Variants in ITIH1 observed in about 807,000 individuals in gnomAD.
The protein encoded by ITIH1 is inter-alpha-trypsin inhibitor heavy chain H1.
A neutral mutation model predicts 104.6 loss-of-function variants in ITIH1; 94 were observed. The observed-to-expected ratio is 0.90, with a 90% CI of 0.76 to 1.07. The LOEUF (loss-of-function observed/expected upper bound fraction) is 1.07, where lower values mean the gene tolerates loss of function less well. Among genes scored for constraint, ITIH1 ranks in the 50% least tolerant of loss-of-function variants. The pLI, the probability that ITIH1 is intolerant of heterozygous loss-of-function variation, is 0.00. For synonymous variants in ITIH1, 455 were observed against 464.4 expected (o/e 0.98, Z 0.26); for missense variants, 1,193 against 1,181.4 (o/e 1.01, Z -0.14).
At position 52,783,338 on chromosome 3, in the gene ITIH1, G is replaced by A. The variant is rs370222326; in HGVS notation, c.1224G>A (p.Glu408=). ...LIMLTDGDPT[E]GVTDRSQILK... is the part of the protein sequence containing the mutation. ...TGTTGACAGATGGCGATCCCACAGAGGGTAAGCACCTTGGGGGCTGCCTTG... is the reference window on the plus strand; with the variant it reads ...TGTTGACAGATGGCGATCCCACAGAAGGTAAGCACCTTGGGGGCTGCCTTG... The change falls in exon 10 of 22, where the codon GAG becomes GAA. Residue 408 remains glutamate, a splice_region_variant and synonymous_variant. Transcript: ENST00000273283. The A allele has an allele frequency of 1.9e-6, 3 of 1,613,844 alleles. No individual in the cohort carries two copies. The highest frequency in any genetic ancestry group is 1.7e-6 in the Non-Finnish European group (2 of 1,179,986).
At chr3:52,780,243 A>G in intron 5 of ITIH1, 26 bp from the exon 6 acceptor site, 1 of 1,549,012 alleles carries the variant, frequency 6.5e-7, no homozygotes, top group Non-Finnish European at 8.8e-7. Flanking sequence ...TTTTTTTTAA[A>G]AAAATAATTT....
In ITIH1 at chr3:52,785,140, C is replaced by T. The variant is rs1431585519; in HGVS notation, c.1504C>T (p.Gln502Ter). ...VLALTQNHHK[Q>*]YYEGSEIVVA... ...GGCCCTGACCCAGAACCACCATAAA[C>T]AGTACTACGAAGGCTCAGAGATTGT... The change falls in exon 12 of 22, where the codon CAG becomes TAG. Residue 502 changes from glutamine to a stop codon, truncating the protein, a stop_gained. Transcript: ENST00000273283. LOFTEE classifies it high-confidence loss of function. 4.3e-6 allele frequency: 7 copies of T among 1,614,134 alleles called. No homozygotes were observed. Among genetic ancestry groups the T allele is most frequent in the Admixed American group, 1.7e-5 (1 of 60,024 alleles).
Position 52,778,498 on chromosome 3 carries a change from CTT to C in ITIH1, c.299_300del (p.Phe100CysfsTer65), listed in dbSNP as rs1429497874. On this transcript the variant is annotated frameshift_variant, in exon 3 of 22. Coordinates refer to ENST00000273283, the MANE Select transcript of ITIH1 (RefSeq NM_002215.4). LOFTEE classifies it high-confidence loss of function. Reference protein sequence around the residue: ...EIPKTAFISDFAVTADGNAFI... With the variant: ...EIPKTAFISDXAVTADGNAFI... ...TCCCCAAGACAGCATTCATCAGTGA[CTT>C]TGCCGTGTGCGTGCCTGCCCAACTC... 1.2e-6 allele frequency: 2 copies of C among 1,614,150 alleles called. No individual in the cohort carries two copies. The highest frequency in any genetic ancestry group is 2.7e-5 in the African/African-American group (2 of 74,960).
At position 52,785,116 on chromosome 3, in the gene ITIH1, G is replaced by A; in HGVS notation, c.1480G>A (p.Ala494Thr). The change falls in exon 12 of 22, where the codon GCC becomes ACC. Residue 494 changes from alanine to threonine, a missense_variant. Ala to Thr is a moderately conservative substitution (Grantham distance 58, BLOSUM62 0). Transcript: ENST00000273283. ...DLQYPQDAVLALTQNHHKQYY... is the reference protein window; with the variant it reads ...DLQYPQDAVLTLTQNHHKQYY... ...GCAGTACCCCCAGGATGCTGTCTTGGCCCTGACCCAGAACCACCATAAACA... is the reference window on the plus strand; with the variant it reads ...GCAGTACCCCCAGGATGCTGTCTTGACCCTGACCCAGAACCACCATAAACA... 1 of 1,614,096 alleles carries A rather than the reference G, an allele frequency of 6.2e-7. No homozygotes were observed.
chr3:52,789,982 T>C (rs1055079365), intron 19 of ITIH1, 128 bp downstream of exon 19: 1 of 906,232 alleles, frequency 1.1e-6, no homozygotes, highest in Non-Finnish European at 1.7e-6. Context: ...TGTGCAGACA[T>C]GTCAGACTCC....
At position 52,790,986 on chromosome 3, in the gene ITIH1, TG is replaced by T. The variant is rs1185261880; in HGVS notation, c.2494+69del. On this transcript the variant is annotated intron_variant, in intron 20 of 21. Transcript: ENST00000273283. ...TTGAAGCCAGAGGACATGTGGGACC[TG>T]GGGCCACCGGTCAGTTCTATAGCTG... 10 of 1,496,576 alleles carry T rather than the reference TG, an allele frequency of 6.7e-6. No homozygotes were observed. The East Asian group carries it at 2.1e-4, about 31-fold the overall frequency. The allele number at this position is 1,496,576 out of a possible 1,614,324, so 92.7% of individuals were successfully genotyped here.
chr3:52,787,930 A>G (rs1325275187), intron 16 of ITIH1, 56 bp from the exon 17 acceptor site: 1 of 1,503,004 alleles, frequency 6.7e-7, no homozygotes, highest in Non-Finnish European at 9.3e-7. Flanking sequence ...AGGGATCAGC[A>G]GCTCCAGGGA....
In ITIH1 at chr3:52,785,206, A is replaced by T. The variant is rs1340373436; in HGVS notation, c.1570A>T (p.Lys524Ter). 6.2e-6 allele frequency: 10 copies of T among 1,613,980 alleles called. No individual in the cohort carries two copies. Among genetic ancestry groups the T allele is most frequent in the Non-Finnish European group, 5.9e-6 (7 of 1,180,002 alleles). ...RIADNKQSSF[K>*]ADVQAHGEGQ... ...TGCTGACAACAAACAGAGCAGCTTC[A>T]AGGCTGATGTGCAGGCCCATGGGGT... Residue 524 changes from lysine to a stop codon, truncating the protein, a stop_gained, in exon 12 of 22, where the codon AAG (lysine) becomes TAG (stop). Coordinates refer to ENST00000273283, the MANE Select transcript of ITIH1 (RefSeq NM_002215.4). LOFTEE classifies it high-confidence loss of function.
At chr3:52,790,057 C>T (rs1397695617) in intron 19 of ITIH1, 9 of 600,442 alleles carry the variant, frequency 1.5e-5, no homozygotes, top group Non-Finnish European at 2.4e-5. Context: ...AGCTGCATGG[C>T]AACTGTGCTC....
chr3:52,781,216 T>A (rs1222364646), intron 6 of ITIH1, among the ~76,000 whole-genome samples: 7 of 32,578 alleles, frequency 2.1e-4, no homozygotes, highest in African/African-American at 8.2e-4. Flanking sequence ...TTTTTCTTCT[T>A]CTTCTTCTTC....
At chr3:52,781,368 G>T (rs1321111643) in intron 6 of ITIH1, among the ~76,000 whole-genome samples, 1 of 144,624 alleles carries the variant, frequency 6.9e-6, no homozygotes, top group Non-Finnish European at 1.5e-5. Context: ...CTTTTCTGCT[G>T]CTTCTTCTTC....
chr3:52,790,666 T>A, intron 19 of ITIH1, 83 bp from the exon 20 acceptor site: 14 of 1,421,548 alleles, frequency 9.8e-6, no homozygotes, highest in Non-Finnish European at 1.4e-5. Context: ...GTCATAAGGG[T>A]TGGGTCCCAG....
At chr3:52,778,112 C>A in intron 2 of ITIH1, 95 bp downstream of exon 2, 1 of 1,396,538 alleles carries the variant, frequency 7.2e-7, no homozygotes, top group Non-Finnish European at 1.0e-6. Flanking sequence ...CTATCAGGGC[C>A]ATAGGCATGG....
At chr3:52,783,999 G>A (rs759043032) in intron 10 of ITIH1, among the ~76,000 whole-genome samples, 2 of 152,150 alleles carry the variant, frequency 1.3e-5, no homozygotes, top group African/African-American at 4.8e-5. Context: ...TAAAACAAGC[G>A]TGGGAAGGTC....
Position 52,784,389 on chromosome 3 carries a change from A to C in ITIH1, c.1319A>C (p.Asp440Ala). The C allele has an allele frequency of 2.5e-6, 4 of 1,614,112 alleles. No homozygotes were observed. Among genetic ancestry groups the C allele is most frequent in the Non-Finnish European group, 3.4e-6 (4 of 1,179,986 alleles). Residue 440 changes from aspartate to alanine, a missense_variant, in exon 11 of 22, where the codon GAC (aspartate) becomes GCC (alanine). Physicochemically the swap from Asp to Ala is moderately radical, Grantham distance 126. Transcript: ENST00000273283. ...LYNLGFGHNV[D>A]FNFLEVMSME... Reference sequence around the variant, plus strand: ...AACCTGGGTTTCGGCCACAATGTGGACTTTAACTTTCTGGAGGTCATGTCC... The same window carrying C: ...AACCTGGGTTTCGGCCACAATGTGGCCTTTAACTTTCTGGAGGTCATGTCC...
At position 52,779,564 on chromosome 3, in the gene ITIH1, C is replaced by T; in HGVS notation, c.543C>T (p.Val181=). The T allele has an allele frequency of 6.2e-7, 1 of 1,614,196 alleles. No homozygotes were observed. Among genetic ancestry groups the T allele is most frequent in the Non-Finnish European group, 8.5e-7 (1 of 1,180,044 alleles). ...NHMQYEIVIK[V]KPKQLVHHFE... is the part of the protein sequence containing the mutation. Reference sequence around the variant, plus strand: ...TGCAGTATGAAATTGTCATCAAAGTCAAGCCCAAGCAGCTGGTGCATCATT... The same window carrying T: ...TGCAGTATGAAATTGTCATCAAAGTTAAGCCCAAGCAGCTGGTGCATCATT... Residue 181 remains valine (V), a synonymous_variant, in exon 5 of 22, where the codon GTC becomes GTT. Coordinates refer to ENST00000273283, the MANE Select transcript of ITIH1 (RefSeq NM_002215.4). This position sits in a 1 kb window ranked among gnomAD's most constrained non-coding sequence, Gnocchi z 4.4.
chr3:52,783,289 G>T lies in ITIH1; in HGVS notation c.1175G>T (p.Ser392Ile). 6.2e-7 allele frequency: 1 copy of T among 1,614,168 alleles called. No homozygotes were observed. The highest frequency in any genetic ancestry group is 8.5e-7 in the Non-Finnish European group (1 of 1,180,032). Residue 392 changes from serine (S) to isoleucine (I), a missense_variant, in exon 10 of 22, where the codon AGC (serine) becomes ATC (isoleucine). By Grantham distance (142) the Ser-to-Ile change is moderately radical. Coordinates refer to ENST00000273283, the MANE Select transcript of ITIH1 (RefSeq NM_002215.4). ...GTTCAGGAAAGCCTCCCAGAACTCA[G>T]CAACCATGCCTCAATACTCATCATG... ...NQVQESLPEL[S>I]NHASILIMLT...
Position 52,791,783 on chromosome 3 carries a change from G to C in ITIH1, c.2608G>C (p.Gly870Arg), listed in dbSNP as rs1307124955. The change falls in exon 22 of 22, where the codon GGT (glycine) becomes CGT (arginine). Residue 870 changes from glycine to arginine, a missense_variant and splice_region_variant. Gly to Arg is a moderately radical substitution (Grantham distance 125). Transcript: ENST00000273283. ...VRNRRLTVTRGLQKDYSKDPW... is the reference protein window; with the variant it reads ...VRNRRLTVTRRLQKDYSKDPW... ...CCCAGCTGACTTGTCTCTGCACAGG[G>C]GTTTGCAAAAAGACTACAGCAAGGA... 1.9e-6 allele frequency: 3 copies of C among 1,612,522 alleles called. No individual in the cohort carries two copies. Among genetic ancestry groups the C allele is most frequent in the Middle Eastern group, 1.7e-4 (1 of 6,054 alleles).
At chr3:52,786,869 A>G in intron 13 of ITIH1, 76 bp from the exon 14 acceptor site, 2 of 1,445,560 alleles carry the variant, frequency 1.4e-6, no homozygotes, top group Non-Finnish European at 1.9e-6. Flanking sequence ...TGAATGAATG[A>G]ATAAGTGAAT....
Sources: gnomAD v4.1 joint callset for allele counts (sites outside exome capture counted in the v4.1 genomes callset) on GRCh38, gnomAD v4.1.1 for gene constraint, Gnocchi (gnomAD v3.1) non-coding constraint, MANE v1.5 for transcripts, NCBI Gene and HGNC (gene_info 2026-07-23, HGNC 2026-07-21) for gene names.